The following FERMT2 variants were observed in gnomAD, a reference collection of about 807,000 sequenced individuals.
FERMT2 encodes the protein fermitin family homolog 2.
FERMT2 carries 15 observed loss-of-function variants against 82.7 expected under a neutral mutation model. The ratio of observed to expected loss-of-function variants is 0.18; its 90% confidence interval spans 0.12 to 0.28. The LOEUF (loss-of-function observed/expected upper bound fraction) is 0.28, where lower values mean the gene tolerates loss of function less well. Ranked by LOEUF, FERMT2 falls within the 10% of genes least tolerant of loss-of-function variation. The pLI is 1.00. For missense variants in FERMT2, 645 were observed against 809.4 expected (o/e 0.80, Z 2.46); for synonymous variants, 274 against 271.5 (o/e 1.01, Z -0.09).
chr14:52,866,810 G>A (rs181250995), intron 10 of FERMT2, among the ~76,000 whole-genome samples: 18 of 152,104 alleles, frequency 1.2e-4, no homozygotes, highest in Admixed American at 3.9e-4. Flanking sequence ...TCCTGCCACC[G>A]TACAAGATAA....
At chr14:52,938,006 A>G (rs1889924288) in intron 2 of FERMT2, among the ~76,000 whole-genome samples, 1 of 152,228 alleles carries the variant, frequency 6.6e-6, no homozygotes. Flanking sequence ...AATCCTTACG[A>G]CAACCCTAAG....
chr14:52,859,393 A>T, intron 14 of FERMT2, 180 bp downstream of exon 14: 1 of 531,600 alleles, frequency 1.9e-6, no homozygotes, highest in Non-Finnish European at 3.0e-6. Context: ...GAATTTTAGT[A>T]ACTGGGCTAA....
At position 52,864,548 on chromosome 14, in the gene FERMT2, G is replaced by A. The variant is rs200299119; in HGVS notation, c.1455C>T (p.Tyr485=). 528 of 1,614,072 alleles carry A rather than the reference G, an allele frequency of 3.3e-4. 3 individuals carry two copies. The highest frequency in any genetic ancestry group is 7.8e-4 in the Admixed American group (47 of 60,014). ...AAAGAATATTCTGAACTTCTAAGTT[G>A]TAAGAACTGTCCGCCATGGTCTTGC... is the stretch of plus-strand genomic sequence containing the variant. ...SKGKTMADSS[Y]NLEVQNILSF... Residue 485 remains tyrosine, a synonymous_variant, in exon 12 of 15, where the codon TAC becomes TAT. Coordinates refer to ENST00000341590, the MANE Select transcript of FERMT2 (RefSeq NM_006832.3).
chr14:52,942,704 C>G (rs915700801), intron 2 of FERMT2, among the ~76,000 whole-genome samples: 2 of 152,174 alleles, frequency 1.3e-5, no homozygotes, highest in African/African-American at 4.8e-5. Flanking sequence ...CAGACAGAGC[C>G]AGAAGTTGAA....
At chr14:52,912,612 C>T (rs1594983742) in intron 3 of FERMT2, among the ~76,000 whole-genome samples, 2 of 151,512 alleles carry the variant, frequency 1.3e-5, no homozygotes, top group South Asian at 2.1e-4. Context: ...CCGGTTCAAG[C>T]GATTCTCCTG....
intron 6 of FERMT2, among the ~76,000 whole-genome samples, chr14:52,880,715 AT>A (rs1413455407): frequency 1.3e-5 from 2 of 152,248 alleles, no homozygotes; most frequent in East Asian, 3.9e-4. Context: ...TGCCAGTTCT[AT>A]AGTACCAAAA....
intron 3 of FERMT2, among the ~76,000 whole-genome samples, chr14:52,913,664 G>A (rs1888450415): frequency 6.7e-6 from 1 of 150,342 alleles, no homozygotes; most frequent in African/African-American, 2.5e-5. Context: ...GAAGTTCAAT[G>A]CCATGCAGCC....
Position 52,881,342 on chromosome 14 carries a change from A to C in FERMT2, c.654T>G (p.Pro218=), listed in dbSNP as rs1413786521. ...TTGGTTGACTGACAGCAAGTATACC[A>C]GGATTGCCTTCTGACAAAGCACTGT... ...FGDSALSEGN[P]GILAVSQPIT... Residue 218 remains proline, a synonymous_variant, in exon 5 of 15, where the codon CCT becomes CCG. Transcript: ENST00000341590. The C allele has an allele frequency of 1.9e-6, 3 of 1,613,992 alleles. No homozygotes were observed. The highest frequency in any genetic ancestry group is 2.5e-6 in the Non-Finnish European group (3 of 1,180,018).
chr14:52,933,068 T>C (rs934766546), intron 2 of FERMT2, among the ~76,000 whole-genome samples: 18 of 151,908 alleles, frequency 1.2e-4, no homozygotes, highest in African/African-American at 4.4e-4. Context: ...ATTTCCTCCC[T>C]ATACTTCTGC....
chr14:52,943,251 C>T (rs1180523807), intron 2 of FERMT2, among the ~76,000 whole-genome samples: 1 of 151,750 alleles, frequency 6.6e-6, no homozygotes, highest in Admixed American at 6.6e-5. Flanking sequence ...TGCACTGATA[C>T]TAAGAACCTT....
In FERMT2 at chr14:52,857,802, C is replaced by T. The variant is rs1416134832; in HGVS notation, c.*575G>A. On this transcript the variant is annotated 3_prime_UTR_variant, in exon 15 of 15. Transcript: ENST00000341590. ...AAAAATAAAAACACGAGACAATATA[C>T]ATAACATGCTTATTCAAGGACAAAA... The T allele has an allele frequency of 6.5e-6, 1 of 153,108 alleles. No homozygotes were observed. The highest frequency in any genetic ancestry group is 1.5e-5 in the Non-Finnish European group (1 of 68,420). The allele number at this position is 153,108 out of a possible 1,614,324, so 9.5% of individuals were successfully genotyped here.
At chr14:52,919,037 C>T in intron 3 of FERMT2, 86 bp downstream of exon 3, 1 of 889,550 alleles carries the variant, frequency 1.1e-6, no homozygotes, top group Non-Finnish European at 1.8e-6. Flanking sequence ...AGCCCATGCC[C>T]CATCCCTTGG....
chr14:52,935,451 G>T (rs574432061), intron 2 of FERMT2, among the ~76,000 whole-genome samples: 4 of 152,172 alleles, frequency 2.6e-5, no homozygotes, highest in African/African-American at 9.7e-5. Context: ...GCCTTGGGGA[G>T]GTAAATCAAG....
intron 10 of FERMT2, among the ~76,000 whole-genome samples, chr14:52,868,836 G>A (rs987184076): frequency 1.3e-5 from 2 of 152,150 alleles, no homozygotes; most frequent in African/African-American, 4.8e-5. Flanking sequence ...AAATCATAGG[G>A]CTTGTTTAGT....
Position 52,858,018 on chromosome 14 carries a change from A to AT in FERMT2, c.*358dup, listed in dbSNP as rs780698711. ...CATTAAATCACATGCATTAGACATG[A>AT]TAAATAGAGTTCATATAGGTTAAGC... On this transcript the variant is annotated 3_prime_UTR_variant, in exon 15 of 15. Transcript: ENST00000341590. 8 of 189,084 alleles carry AT rather than the reference A, an allele frequency of 4.2e-5. No homozygotes were observed. Among genetic ancestry groups the AT allele is most frequent in the Non-Finnish European group, 8.8e-5 (8 of 90,406 alleles). The allele number at this position is 189,084 out of a possible 1,614,324, so 11.7% of individuals were successfully genotyped here. A position where few individuals can be genotyped will look rare whatever the true frequency, so the allele number is the denominator to read the frequency against.
In FERMT2 at chr14:52,950,591, G is replaced by C; in HGVS notation, c.-9-14C>G. On this transcript the variant is annotated splice_polypyrimidine_tract_variant and intron_variant, in intron 1 of 14. Coordinates refer to ENST00000341590, the MANE Select transcript of FERMT2 (RefSeq NM_006832.3). Reference sequence around the variant, plus strand: ...CATGGCTCCTTCCTGCGAGCGCGGAGGAAATGGCTCTCGTAAGCGTCACTC... The same window carrying C: ...CATGGCTCCTTCCTGCGAGCGCGGACGAAATGGCTCTCGTAAGCGTCACTC... 1 of 1,609,856 alleles carries C rather than the reference G, an allele frequency of 6.2e-7. No homozygotes were observed. The highest frequency in any genetic ancestry group is 1.1e-5 in the South Asian group (1 of 90,490).
intron 2 of FERMT2, among the ~76,000 whole-genome samples, chr14:52,937,445 G>A (rs1461614884): frequency 1.3e-5 from 2 of 152,128 alleles, no homozygotes; most frequent in Non-Finnish European, 2.9e-5. Context: ...AACCTGGAAT[G>A]CCTTTCTTCC....
At chr14:52,937,681 A>G (rs1457669594) in intron 2 of FERMT2, among the ~76,000 whole-genome samples, 2 of 152,222 alleles carry the variant, frequency 1.3e-5, no homozygotes, top group East Asian at 3.8e-4. Context: ...TGTTGCTGCT[A>G]CTACAGTCCA....
chr14:52,925,855 G>A (rs1321499424), intron 2 of FERMT2, among the ~76,000 whole-genome samples: 1 of 152,108 alleles, frequency 6.6e-6, no homozygotes, highest in Non-Finnish European at 1.5e-5. Flanking sequence ...TGTTGGCCAG[G>A]CTGGTCTTGA....
Sources: allele counts gnomAD v4.1 joint callset (sites outside exome capture counted in the v4.1 genomes callset), GRCh38; gene constraint gnomAD v4.1.1; transcripts MANE v1.5; gene names NCBI Gene and HGNC (gene_info 2026-07-23, HGNC 2026-07-21).